EYS: variants seen among roughly 807,000 people sequenced by gnomAD.
The protein encoded by EYS is EGF-like photoreceptor maintenance factor.
Under a neutral mutation model 282.1 loss-of-function variants are expected in EYS, and 250 were observed. The observed-to-expected ratio is 0.89, with a 90% CI of 0.80 to 0.98. EYS has a LOEUF of 0.98. Ranked by LOEUF, EYS falls within the 50% of genes least tolerant of loss-of-function variation. The probability of loss-of-function intolerance (pLI) is 0.00; values close to 1 mark genes in which losing one functional copy is unlikely to be tolerated. For synonymous variants in EYS, 1,355 were observed against 1,282.9 expected (o/e 1.06, Z -1.20); for missense variants, 4,016 against 3,709.0 (o/e 1.08, Z -2.15).
chr6:65,370,984 T>C (rs1178513340), intron 8 of EYS, among the ~76,000 whole-genome samples: 4 of 151,684 alleles, frequency 2.6e-5, no homozygotes, highest in African/African-American at 9.7e-5. Flanking sequence ...GGAAGCCAGA[T>C]GGCAATAATT....
At chr6:65,620,481 T>G (rs1766430673) in intron 2 of EYS, among the ~76,000 whole-genome samples, 1 of 151,734 alleles carries the variant, frequency 6.6e-6, no homozygotes, top group African/African-American at 2.4e-5. Flanking sequence ...CTCTCAATTT[T>G]GTTGATCGTT....
chr6:64,617,270 C>T (rs997917596), intron 24 of EYS, 148 bp downstream of exon 24: 5 of 602,704 alleles, frequency 8.3e-6, no homozygotes, highest in African/African-American at 5.7e-5. Context: ...AGAGGAATGC[C>T]GAGAAAAGTG....
At chr6:64,395,564 T>C (rs2150432069) in intron 28 of EYS, among the ~76,000 whole-genome samples, 1 of 146,752 alleles carries the variant, frequency 6.8e-6, no homozygotes, top group Admixed American at 7.1e-5. Flanking sequence ...TTCTCACTCA[T>C]AGGTGGGAAT....
At chr6:65,344,452 A>C (rs548145805) in intron 9 of EYS, among the ~76,000 whole-genome samples, 1 of 151,634 alleles carries the variant, frequency 6.6e-6, no homozygotes, top group African/African-American at 2.4e-5. Flanking sequence ...TTTTGACTAA[A>C]CTGTAATTAA....
chr6:64,303,617 C>A (rs961863049), intron 30 of EYS, among the ~76,000 whole-genome samples: 1 of 151,774 alleles, frequency 6.6e-6, no homozygotes, highest in Non-Finnish European at 1.5e-5. Context: ...CCGAGACGGG[C>A]GGATCACGAG....
intron 16 of EYS, among the ~76,000 whole-genome samples, chr6:64,904,297 A>T (rs1767758358): frequency 6.6e-6 from 1 of 152,186 alleles, no homozygotes; most frequent in Admixed American, 6.6e-5. Context: ...GAATCTCTGA[A>T]GTTACATTTT....
At chr6:64,859,692 T>C (rs377492455) in intron 19 of EYS, among the ~76,000 whole-genome samples, 2 of 152,222 alleles carry the variant, frequency 1.3e-5, no homozygotes, top group East Asian at 3.8e-4. Flanking sequence ...CACTTTCCCC[T>C]GTGATTGTGA....
chr6:65,091,271 T>TAAA (rs397887871), intron 12 of EYS, among the ~76,000 whole-genome samples: 13 of 56,436 alleles, frequency 2.3e-4, no homozygotes, highest in East Asian at 6.1e-4. Context: ...CCATCTCCCC[T>TAAA]AAAAAAAAAA....
At position 64,886,828 on chromosome 6, in the gene EYS, C is replaced by A. The variant is rs916290468; in HGVS notation, c.2861G>T (p.Cys954Phe). The change falls in exon 19 of 43, where the codon TGT (cysteine) becomes TTT (phenylalanine). Residue 954 changes from cysteine (C) to phenylalanine (F), a missense_variant. By Grantham distance (205) the Cys-to-Phe change is radical. Transcript: ENST00000503581. ...VDLTNRFFCN[C>F]EPEYHGPFCE... ...GAAGGGCCCATGGTACTCAGGTTCA[C>A]AATTACAAAAAAATCTGGAGAAAAG... The A allele has an allele frequency of 1.3e-6, 2 of 1,524,126 alleles. No homozygotes were observed. Among genetic ancestry groups the A allele is most frequent in the Non-Finnish European group, 1.8e-6 (2 of 1,135,868 alleles). The allele number at this position is 1,524,126 out of a possible 1,614,324, so 94.4% of individuals were successfully genotyped here. A position where few individuals can be genotyped will look rare whatever the true frequency, so the allele number is the denominator to read the frequency against.
chr6:65,617,918 T>C (rs1167833020), intron 2 of EYS, among the ~76,000 whole-genome samples: 1 of 152,050 alleles, frequency 6.6e-6, no homozygotes, highest in Non-Finnish European at 1.5e-5. Flanking sequence ...TTCCATGGTG[T>C]ATATGTGCCA....
chr6:64,583,159 G>GTC (rs1766128570), intron 26 of EYS, among the ~76,000 whole-genome samples: 1 of 152,108 alleles, frequency 6.6e-6, no homozygotes, highest in South Asian at 2.1e-4. Flanking sequence ...GGTTGGAAGT[G>GTC]TCTACATCTT....
intron 29 of EYS, among the ~76,000 whole-genome samples, chr6:64,308,051 A>G (rs962859385): frequency 9.2e-5 from 14 of 152,062 alleles, no homozygotes; most frequent in African/African-American, 3.1e-4. Context: ...CCATCAAGGC[A>G]CTACATTTTT....
chr6:63,945,456 C>T (rs549957401), intron 35 of EYS, among the ~76,000 whole-genome samples: 9 of 152,154 alleles, frequency 5.9e-5, no homozygotes, highest in African/African-American at 2.2e-4. Flanking sequence ...ACCATATCAG[C>T]CATATATACA....
chr6:65,210,066 T>C (rs1409439201), intron 12 of EYS, among the ~76,000 whole-genome samples: 1 of 152,000 alleles, frequency 6.6e-6, no homozygotes, highest in Non-Finnish European at 1.5e-5. Flanking sequence ...ATTAAATTAA[T>C]AGTGAAATGG....
intron 35 of EYS, among the ~76,000 whole-genome samples, chr6:63,921,548 C>T (rs1011577937): frequency 6.6e-6 from 1 of 152,172 alleles, no homozygotes; most frequent in Admixed American, 6.5e-5. Flanking sequence ...TTCACACTCC[C>T]GCTGACGCAT....
At chr6:63,824,623 C>G (rs1001695466) in intron 36 of EYS, among the ~76,000 whole-genome samples, 3 of 152,166 alleles carry the variant, frequency 2.0e-5, no homozygotes, top group Admixed American at 6.5e-5. Flanking sequence ...CGAGCACATA[C>G]CTCCATTGGA....
chr6:64,103,943 A>G (rs1772919013), intron 31 of EYS, among the ~76,000 whole-genome samples: 3 of 152,166 alleles, frequency 2.0e-5, no homozygotes, highest in Admixed American at 6.6e-5. Context: ...TGAGATCTTA[A>G]GGTGAAACAG....
At chr6:65,643,932 AG>A (rs1238248899) in intron 1 of EYS, among the ~76,000 whole-genome samples, 1 of 152,176 alleles carries the variant, frequency 6.6e-6, no homozygotes, top group Non-Finnish European at 1.5e-5. Context: ...GCAGCTCTTG[AG>A]TCCCAGATCT....
At chr6:65,651,388 C>T (rs938345649) in intron 1 of EYS, among the ~76,000 whole-genome samples, 21 of 151,894 alleles carry the variant, frequency 1.4e-4, no homozygotes, top group African/African-American at 4.8e-4. Flanking sequence ...AAAGAAACTT[C>T]GGTTTCTTTG....
Sources: allele counts gnomAD v4.1 joint callset (sites outside exome capture counted in the v4.1 genomes callset), GRCh38; gene constraint gnomAD v4.1.1; transcripts MANE v1.5; gene names NCBI Gene and HGNC (gene_info 2026-07-23, HGNC 2026-07-21).